Variants in ARHGEF26 observed in about 807,000 individuals in gnomAD.
ARHGEF26 encodes the protein Rho guanine nucleotide exchange factor 26.
In ARHGEF26, 59 loss-of-function variants were observed where a neutral mutation model predicts 89.4. The ratio of observed to expected loss-of-function variants is 0.66; its 90% CI spans 0.54 to 0.82. The LOEUF (loss-of-function observed/expected upper bound fraction) is 0.82, where lower values mean the gene tolerates loss of function less well. Ranked by LOEUF, ARHGEF26 falls within the 40% of genes least tolerant of loss-of-function variation. The pLI is 0.00. For synonymous variants in ARHGEF26, 500 were observed against 428.4 expected (o/e 1.17, Z -2.06); for missense variants, 1,234 against 1,085.6 (o/e 1.14, Z -1.92).
intron 3 of ARHGEF26, among the ~76,000 whole-genome samples, chr3:154,126,690 T>A (rs564985495): frequency 6.6e-6 from 1 of 152,326 alleles, no homozygotes; most frequent in Non-Finnish European, 1.5e-5. Context: ...TGATTTGGAC[T>A]GTCTGGCTCA....
rs759124391 is a variant in ARHGEF26 at position 154,122,188 on chromosome 3, G to A, written c.196G>A (p.Ala66Thr). The A allele has an allele frequency of 1.2e-6, 2 of 1,600,696 alleles. No homozygotes were observed. ...GGTLLAAQIP[A>T]QVPTASDSRT... ...GACGCTCCTCGCAGCGCAGATTCCC[G>A]CCCAGGTGCCCACCGCCTCGGACAG... The change falls in exon 2 of 15, where the codon GCC becomes ACC. Residue 66 changes from alanine (A) to threonine (T), a missense_variant. Physicochemically the swap from Ala to Thr is moderately conservative, Grantham distance 58 (BLOSUM62 0). Coordinates refer to ENST00000465093, the MANE Select transcript of ARHGEF26 (RefSeq NM_015595.4).
intron 10 of ARHGEF26, among the ~76,000 whole-genome samples, chr3:154,224,490 A>C (rs916705668): frequency 6.6e-6 from 1 of 152,200 alleles, no homozygotes; most frequent in Non-Finnish European, 1.5e-5. Context: ...ACTTAACCAT[A>C]ATATTGTCCT....
chr3:154,215,455 T>C (rs554182856), intron 9 of ARHGEF26, among the ~76,000 whole-genome samples: 2 of 152,106 alleles, frequency 1.3e-5, no homozygotes, highest in East Asian at 3.9e-4. Flanking sequence ...GTAAGTATTA[T>C]AACCCTAGTA....
intron 6 of ARHGEF26, among the ~76,000 whole-genome samples, chr3:154,181,599 G>C (rs1301344588): frequency 6.6e-6 from 1 of 152,140 alleles, no homozygotes; most frequent in Non-Finnish European, 1.5e-5. Flanking sequence ...TAGTCTCTCT[G>C]TCATCCTTCT....
rs114377644 is a variant in ARHGEF26, at chr3:154,233,395, G to A, written c.2091-6975G>A. Among the ~76,000 whole-genome samples, 7 of 152,196 alleles carry A rather than the reference G, an allele frequency of 4.6e-5. No homozygotes were observed. In the East Asian group the frequency reaches 7.7e-4, roughly 17 times the overall value. On this transcript the variant is annotated intron_variant, in intron 11 of 14. Transcript: ENST00000465093. ...GTGTTTCTGTTCCATTTAAACACACGATCAAGTGCGACGGTTTAGGAATCA... is the reference window on the plus strand; with the variant it reads ...GTGTTTCTGTTCCATTTAAACACACAATCAAGTGCGACGGTTTAGGAATCA...
chr3:154,227,730 A>G (rs889627772), intron 11 of ARHGEF26, among the ~76,000 whole-genome samples: 2 of 152,248 alleles, frequency 1.3e-5, no homozygotes, highest in Non-Finnish European at 2.9e-5. Flanking sequence ...TTCAAATGCC[A>G]GAACTCTTGA....
intron 11 of ARHGEF26, among the ~76,000 whole-genome samples, chr3:154,236,121 C>A (rs2108275874): frequency 6.6e-6 from 1 of 152,140 alleles, no homozygotes; most frequent in South Asian, 2.1e-4. Context: ...ATAGTAGAAC[C>A]AAACACTGAC....
chr3:154,168,948 A>G (rs950369501), intron 6 of ARHGEF26, among the ~76,000 whole-genome samples: 2 of 152,126 alleles, frequency 1.3e-5, no homozygotes, highest in South Asian at 2.1e-4. Flanking sequence ...TAATTCTAGC[A>G]TATGAGAAAT....
intron 6 of ARHGEF26, among the ~76,000 whole-genome samples, chr3:154,183,093 T>G (rs1713284054): frequency 1.3e-5 from 2 of 152,226 alleles, no homozygotes; most frequent in African/African-American, 4.8e-5. Flanking sequence ...AGGACCATTA[T>G]CTGCACAGCT....
chr3:154,256,567 AAAAAAAAAC>A lies in ARHGEF26; in HGVS notation c.*1095_*1103del, dbSNP rs1271437719. ...ATTAATTAAAAAAAAAAAAAAAAAA[AAAAAAAAAC>A]CTTCCCAAATGAGCTGATAAAAAAC... On this transcript the variant is annotated 3_prime_UTR_variant, in exon 15 of 15. Coordinates refer to ENST00000465093, the MANE Select transcript of ARHGEF26 (RefSeq NM_015595.4). 1.1e-4 allele frequency: 112 copies of A among 1,000,536 alleles called. No individual in the cohort carries two copies. The highest frequency in any genetic ancestry group is 8.5e-4 in the South Asian group (18 of 21,106). 62.0% of individuals were successfully genotyped at this position (1,000,536 alleles called of 1,614,324 possible).
At chr3:154,155,370 G>C (rs1576712679) in intron 6 of ARHGEF26, among the ~76,000 whole-genome samples, 1 of 151,970 alleles carries the variant, frequency 6.6e-6, no homozygotes, top group Non-Finnish European at 1.5e-5. Flanking sequence ...GCTTTGACTA[G>C]ATCAGCAATG....
At chr3:154,154,745 T>C (rs189830094) in intron 6 of ARHGEF26, among the ~76,000 whole-genome samples, 41 of 152,180 alleles carry the variant, frequency 2.7e-4, no homozygotes, top group Non-Finnish European at 4.9e-4. Context: ...TCCATAGTAG[T>C]TTATGGAGAT....
At chr3:154,184,967 A>T (rs1713428949) in intron 6 of ARHGEF26, among the ~76,000 whole-genome samples, 1 of 152,148 alleles carries the variant, frequency 6.6e-6, no homozygotes, top group Admixed American at 6.5e-5. Flanking sequence ...CAGTTTCCCC[A>T]ACCAGACCCA....
intron 9 of ARHGEF26, among the ~76,000 whole-genome samples, chr3:154,209,709 G>A (rs1039778296): frequency 6.6e-6 from 1 of 152,170 alleles, no homozygotes; most frequent in African/African-American, 2.4e-5. Flanking sequence ...CCTGAGGCCA[G>A]CACAGTGCTG....
chr3:154,159,647 T>C (rs907976839), intron 6 of ARHGEF26, among the ~76,000 whole-genome samples: 1 of 152,146 alleles, frequency 6.6e-6, no homozygotes, highest in African/African-American at 2.4e-5. Context: ...TTTTATGAAA[T>C]GAGTTCATAT....
chr3:154,236,527 A>G (rs766520790), intron 11 of ARHGEF26, among the ~76,000 whole-genome samples: 4 of 152,210 alleles, frequency 2.6e-5, no homozygotes, highest in African/African-American at 7.2e-5. Flanking sequence ...ACATGTTCCA[A>G]ATTGTTTCAG....
chr3:154,123,322 T>TGG (rs1020632577), intron 2 of ARHGEF26, among the ~76,000 whole-genome samples: 10 of 152,000 alleles, frequency 6.6e-5, no homozygotes, highest in African/African-American at 2.4e-4. Context: ...CAGGCAGAAT[T>TGG]GGGGGGGACA....
rs532769052 is a variant in ARHGEF26 at position 154,130,971 on chromosome 3, T to G, written c.1269+1252T>G. 2.6e-4 allele frequency among the ~76,000 whole-genome samples: 39 copies of G among 152,310 alleles called. No individual in the cohort carries two copies. In the South Asian group the frequency reaches 8.1e-3, roughly 32 times the overall value. ...TCTGCTTCAAGCTCTACCTTCCCTC[T>G]TCTAACCTGTATTGGAATTCAAAAT... On this transcript the variant is annotated intron_variant, in intron 4 of 14. Transcript: ENST00000465093.
intron 4 of ARHGEF26, among the ~76,000 whole-genome samples, chr3:154,137,182 G>A (rs1049734675): frequency 1.3e-5 from 2 of 152,170 alleles, no homozygotes; most frequent in Non-Finnish European, 2.9e-5. Flanking sequence ...CTCTGCCTGC[G>A]TGAATAGATT....
Sources: gnomAD v4.1 joint callset for allele counts (sites outside exome capture counted in the v4.1 genomes callset) on GRCh38, gnomAD v4.1.1 for gene constraint, MANE v1.5 for transcripts, NCBI Gene and HGNC (gene_info 2026-07-23, HGNC 2026-07-21) for gene names.